The following SYNE1 variants were observed in gnomAD, a reference collection of about 807,000 sequenced individuals.
SYNE1 encodes the protein nesprin-1.
Under a neutral mutation model 1,111.0 loss-of-function variants are expected in SYNE1, and 616 were observed. That is an observed-to-expected ratio of 0.55 (90% CI 0.52 to 0.59). The LOEUF is 0.59. Among genes scored for constraint, SYNE1 ranks in the 20% least tolerant of loss-of-function variants. The pLI, the probability that SYNE1 is intolerant of heterozygous loss-of-function variation, is 0.00. For synonymous variants in SYNE1, 3,855 were observed against 3,825.8 expected (o/e 1.01, Z -0.28); for missense variants, 10,006 against 10,417.0 (o/e 0.96, Z 1.72).
chr6:152,214,956 A>T lies in SYNE1; in HGVS notation c.22296T>A (p.Asn7432Lys). The change falls in exon 122 of 146, where the codon AAT becomes AAA. Residue 7432 changes from asparagine to lysine, a missense_variant. By Grantham distance (94) the Asn-to-Lys change is moderately conservative (BLOSUM62 0). Transcript: ENST00000367255. The part of the protein sequence containing the change: ...LNDKEIKRMQ[N>K]LNRHWSLISS... The stretch of plus-strand genomic sequence containing the variant: ...AGATCAGAGACCAATGGCGGTTCAG[A>T]TTCTGCATTCTTTTGATTTCCTTAT... The T allele has an allele frequency of 6.2e-7, 1 of 1,614,146 alleles. No homozygotes were observed. The highest frequency in any genetic ancestry group is 1.7e-5 in the Admixed American group (1 of 60,022).
Position 152,427,676 on chromosome 6 carries a change from C to T in SYNE1, c.5100+17G>A. On this transcript the variant is annotated intron_variant, in intron 38 of 145. Transcript: ENST00000367255. ...AAGCATTTTATTTTTTCCTTCCTCA[C>T]ACTTCCTTGAACTTGCCTGTATTAA... is the stretch of plus-strand genomic sequence containing the variant. 1 of 1,614,030 alleles carries T rather than the reference C, an allele frequency of 6.2e-7. No individual in the cohort carries two copies. Among genetic ancestry groups the T allele is most frequent in the South Asian group, 1.1e-5 (1 of 91,076 alleles).
intron 128 of SYNE1, 144 bp from the exon 129 acceptor site, chr6:152,180,438 G>T: frequency 2.5e-6 from 2 of 803,312 alleles, no homozygotes. Context: ...TCTAGGATTT[G>T]CTATTATAAA....
At position 152,122,274 on chromosome 6, in the gene SYNE1, C is replaced by T. The variant is rs2051567633; in HGVS notation, c.*162G>A. ...TCCCCCGTCACTGTTTATCTTCCAC[C>T]TCTGAAGCCATAATTTGCACACATG... On this transcript the variant is annotated 3_prime_UTR_variant, in exon 146 of 146. Transcript: ENST00000367255. 3.6e-6 allele frequency: 4 copies of T among 1,097,028 alleles called. No homozygotes were observed. The South Asian group carries it at 5.6e-5, about 15-fold the overall frequency. 68.0% of individuals were successfully genotyped at this position (1,097,028 alleles called of 1,614,324 possible). A position where few individuals can be genotyped will look rare whatever the true frequency, so the allele number is the denominator to read the frequency against.
At position 152,331,487 on chromosome 6, in the gene SYNE1, G is replaced by C; in HGVS notation, c.13198C>G (p.Leu4400Val). The C allele has an allele frequency of 6.2e-7, 1 of 1,614,088 alleles. No homozygotes were observed. Among genetic ancestry groups the C allele is most frequent in the Non-Finnish European group, 8.5e-7 (1 of 1,179,982 alleles). Residue 4400 changes from leucine (L) to valine (V), a missense_variant, in exon 78 of 146, where the codon CTC (leucine) becomes GTC (valine). Leu to Val is a conservative substitution (Grantham distance 32). Around this residue, in one of 7 missense-constraint regions of SYNE1, gnomAD observed 4,955 missense variants for 5,017.2 expected, o/e 0.99. Transcript: ENST00000367255. ...GCGTCCTTTATAAGCGATTTCAGGA[G>C]CATCTGCTTGGCCTCCAGTTCACTG... ...ICSELEAKQM[L>V]LKSLIKDADR... is the part of the protein sequence containing the mutation.
chr6:152,375,018 G>A (rs990697522), intron 58 of SYNE1, among the ~76,000 whole-genome samples: 1 of 151,576 alleles, frequency 6.6e-6, no homozygotes, highest in African/African-American at 2.4e-5. Context: ...TTGGCTCACT[G>A]CAATCTCTGC....
At chr6:152,605,074 AAAG>A (rs2099610938) in intron 3 of SYNE1, among the ~76,000 whole-genome samples, 1 of 28,838 alleles carries the variant, frequency 3.5e-5, no homozygotes, top group Admixed American at 3.7e-4. Flanking sequence ...GGGAGGGAGG[AAAG>A]AAGGAAGGAA....
chr6:152,178,671 G>T (rs1295157445), intron 129 of SYNE1, among the ~76,000 whole-genome samples: 2 of 152,088 alleles, frequency 1.3e-5, no homozygotes, highest in Non-Finnish European at 2.9e-5. Context: ...GTGCTTATGA[G>T]AAGTTAGGCA....
chr6:152,332,061 G>A (rs188238607), intron 77 of SYNE1, among the ~76,000 whole-genome samples, 171 bp from the exon 78 acceptor site: 9 of 152,214 alleles, frequency 5.9e-5, no homozygotes, highest in South Asian at 2.1e-4. Flanking sequence ...GGCAACCTCC[G>A]CCTCCCAGGT....
At chr6:152,353,235 G>C in intron 69 of SYNE1, 28 bp downstream of exon 69, 1 of 1,613,840 alleles carries the variant, frequency 6.2e-7, no homozygotes, top group Non-Finnish European at 8.5e-7. Context: ...GGAAAGGTTG[G>C]ATACAAATCT....
At chr6:152,159,015 A>G (rs1172665853) in intron 131 of SYNE1, among the ~76,000 whole-genome samples, 1 of 152,140 alleles carries the variant, frequency 6.6e-6, no homozygotes, top group Non-Finnish European at 1.5e-5. Context: ...GCAGTGGCAC[A>G]ATCTCGGCTC....
chr6:152,579,195 T>G (rs2099511043), intron 3 of SYNE1, among the ~76,000 whole-genome samples: 1 of 152,202 alleles, frequency 6.6e-6, no homozygotes, highest in Non-Finnish European at 1.5e-5. Flanking sequence ...GTAGAAATTT[T>G]TTTCCTTCCC....
Position 152,262,062 on chromosome 6 carries a change from C to G in SYNE1, c.18942G>C (p.Gln6314His). ...GCTCTTGTTCCTGTTCCAGAACATT[C>G]TGTAGTAGTTTCTGCTTGGTACTAA... Reference protein sequence around the residue: ...QEFSTKQKLLQNVLEQEQEQV... With the variant: ...QEFSTKQKLLHNVLEQEQEQV... The change falls in exon 101 of 146, where the codon CAG becomes CAC. Residue 6314 changes from glutamine to histidine, a missense_variant. Gln to His is a conservative substitution (Grantham distance 24, BLOSUM62 0). Around this residue, in one of 7 missense-constraint regions of SYNE1, gnomAD observed 2,182 missense variants for 2,287.8 expected, o/e 0.95. Transcript: ENST00000367255. 1 of 1,613,684 alleles carries G rather than the reference C, an allele frequency of 6.2e-7. No individual in the cohort carries two copies. The highest frequency in any genetic ancestry group is 1.1e-5 in the South Asian group (1 of 91,076).
chr6:152,451,272 G>A lies in SYNE1; in HGVS notation c.3028-67C>T, dbSNP rs557368023. Reference sequence around the variant, plus strand: ...CTGATTATGTACATTCCCAATTGAAGTGGCAAAAAAAAAAACAAAAACCAT... The same window carrying A: ...CTGATTATGTACATTCCCAATTGAAATGGCAAAAAAAAAAACAAAAACCAT... On this transcript the variant is annotated intron_variant, in intron 25 of 145. Coordinates refer to ENST00000367255, the MANE Select transcript of SYNE1 (RefSeq NM_182961.4). The A allele has an allele frequency of 8.2e-4, 1,228 of 1,491,370 alleles. 4 individuals are homozygous for A. Among genetic ancestry groups the A allele is most frequent in the South Asian group, 1.4e-3 (119 of 86,872 alleles). 92.4% of individuals were successfully genotyped at this position (1,491,370 alleles called of 1,614,324 possible).
chr6:152,190,037 G>C (rs188572503), intron 127 of SYNE1, among the ~76,000 whole-genome samples: 1 of 152,150 alleles, frequency 6.6e-6, no homozygotes, highest in East Asian at 1.9e-4. Context: ...CTAAGTTTAT[G>C]TAATACTTGA....
rs1463369266 is a variant in SYNE1 at position 152,334,055 on chromosome 6, A to G, written c.12747T>C (p.Val4249=). The change falls in exon 77 of 146, where the codon GTT becomes GTC. Residue 4249 remains valine, a synonymous_variant. Transcript: ENST00000367255. ...TAGTAAATTTTTCTAGGAACACTTC[A>G]ACAACATTCATACAGTCATGGTAAT... ...TRDYHDCMNV[V]EVFLEKFTTE... 1 of 1,614,200 alleles carries G rather than the reference A, an allele frequency of 6.2e-7. No homozygotes were observed. Among genetic ancestry groups the G allele is most frequent in the Admixed American group, 1.7e-5 (1 of 60,018 alleles).
intron 65 of SYNE1, 115 bp downstream of exon 65, chr6:152,359,200 G>C: frequency 7.0e-7 from 1 of 1,432,734 alleles, no homozygotes; most frequent in East Asian, 2.3e-5. Context: ...AATTCATTTT[G>C]CTTTTGTTCT....
intron 48 of SYNE1, 66 bp from the exon 49 acceptor site, chr6:152,398,797 G>A: frequency 3.2e-6 from 4 of 1,233,672 alleles, no homozygotes; most frequent in Non-Finnish European, 3.5e-6. Flanking sequence ...CATTGAATGG[G>A]CTCCCAGGAT....
chr6:152,121,752 G>A lies in SYNE1; in HGVS notation c.*684C>T, dbSNP rs1441853955. 7.0e-6 allele frequency: 1 copy of A among 143,238 alleles called. No homozygotes were observed. The highest frequency in any genetic ancestry group is 7.1e-5 in the Admixed American group (1 of 14,082). The allele number at this position is 143,238 out of a possible 1,614,324, so 8.9% of individuals were successfully genotyped here. ...AAACAAAACTTGGCTTTAGCAAACT[G>A]TACATACATAAATATCTTTTTTTTT... is the stretch of plus-strand genomic sequence containing the variant. On this transcript the variant is annotated 3_prime_UTR_variant, in exon 146 of 146. Transcript: ENST00000367255.
intron 139 of SYNE1, among the ~76,000 whole-genome samples, chr6:152,140,761 T>C (rs2813481): frequency 0.36 from 53,877 of 151,602 alleles, 10,453 homozygotes; most frequent in African/African-American, 0.51. Context: ...TGGCCAGGTG[T>C]GGTGGCTCAC....
Sources: gnomAD v4.1 joint callset for allele counts (sites outside exome capture counted in the v4.1 genomes callset) on GRCh38, gnomAD v4.1.1 for gene constraint, gnomAD v4.1.1 regional missense constraint, MANE v1.5 for transcripts, NCBI Gene and HGNC (gene_info 2026-07-23, HGNC 2026-07-21) for gene names.